The following UGT1A7 variants were observed in gnomAD, a reference collection of about 807,000 sequenced individuals.
UGT1A7 encodes the protein UDP glucuronosyltransferase family 1 member A7.
Under a neutral mutation model 45.6 loss-of-function variants are expected in UGT1A7, and 33 were observed. The ratio of observed to expected loss-of-function variants is 0.72; its 90% CI spans 0.55 to 0.97. UGT1A7 has a LOEUF of 0.97. UGT1A7 is among the 50% of genes least tolerant of loss of function. UGT1A7 has a pLI of 0.00. For synonymous variants in UGT1A7, 274 were observed against 250.6 expected, an observed-to-expected ratio of 1.09 and a Z score of -0.88; for missense variants, 684 against 666.2, an observed-to-expected ratio of 1.03 and a Z score of -0.29.
At chr2:233,694,598 C>T (rs2075228773) in intron 1 of UGT1A7, among the ~76,000 whole-genome samples, 1 of 152,300 alleles carries the variant, frequency 6.6e-6, no homozygotes. Flanking sequence ...CTTTGAAGGG[C>T]TTCAGGCAAC....
chr2:233,767,807 T>C, intron 2 of UGT1A7, 42 bp from the exon 3 acceptor site: 1 of 1,614,158 alleles, frequency 6.2e-7, no homozygotes, highest in Non-Finnish European at 8.5e-7. Flanking sequence ...TCTAATCATA[T>C]TATGTTCTTT....
At chr2:233,692,927 T>G in intron 1 of UGT1A7, 2 of 1,581,200 alleles carry the variant, frequency 1.3e-6, no homozygotes, top group Admixed American at 3.6e-5. Context: ...GTGGTTAGTT[T>G]AGGGAAAATA....
rs1354491814 is a variant in UGT1A7 at position 233,754,735 on chromosome 2, A to G, written c.856-12299A>G. 4.6e-6 allele frequency: 3 copies of G among 652,332 alleles called. No homozygotes were observed. In the Admixed American group the frequency reaches 7.0e-5, roughly 15 times the overall value. The allele number at this position is 652,332 out of a possible 1,614,324, so 40.4% of individuals were successfully genotyped here. ...AAGCTGCCTGTCCCATCACTACCGT[A>G]GGACATGCAGAAGGAAGAAAGGCCC... On this transcript the variant is annotated intron_variant, in intron 1 of 4. Transcript: ENST00000373426.
At chr2:233,706,617 A>G (rs1052498313) in intron 1 of UGT1A7, among the ~76,000 whole-genome samples, 1 of 152,154 alleles carries the variant, frequency 6.6e-6, no homozygotes, top group African/African-American at 2.4e-5. Context: ...AGAAGACTAG[A>G]GAAATGAGTG....
intron 1 of UGT1A7, among the ~76,000 whole-genome samples, chr2:233,763,434 A>G (rs1698313182): frequency 1.3e-5 from 2 of 152,346 alleles, no homozygotes; most frequent in Middle Eastern, 3.4e-3. Context: ...AGTTGCTTTA[A>G]TAAGTGCATT....
chr2:233,755,338 G>A (rs569505432), intron 1 of UGT1A7: 1 of 431,822 alleles, frequency 2.3e-6, no homozygotes, highest in Non-Finnish European at 4.0e-6. Flanking sequence ...CCCGCGCACA[G>A]GTCAGAGGCT....
chr2:233,689,982 A>T (rs957582254), intron 1 of UGT1A7: 5 of 453,314 alleles, frequency 1.1e-5, no homozygotes, highest in Non-Finnish European at 2.2e-5. Context: ...ACAGGCCCCT[A>T]AAAGGGATTC....
chr2:233,694,248 C>T (rs1050180711), intron 1 of UGT1A7, among the ~76,000 whole-genome samples: 1 of 151,938 alleles, frequency 6.6e-6, no homozygotes, highest in African/African-American at 2.4e-5. Flanking sequence ...GGACCTTGAG[C>T]CAGGGACCAG....
intron 1 of UGT1A7, chr2:233,721,744 G>T: frequency 4.6e-6 from 2 of 439,016 alleles, no homozygotes; most frequent in South Asian, 1.7e-5. Flanking sequence ...AATGATGAGA[G>T]AATCTACATC....
intron 1 of UGT1A7, among the ~76,000 whole-genome samples, chr2:233,684,934 AGT>A (rs1284921630): frequency 1.3e-5 from 2 of 148,296 alleles, no homozygotes; most frequent in Non-Finnish European, 3.0e-5. Context: ...CAGGATTCAT[AGT>A]CTGCATTTCA....
At position 233,682,625 on chromosome 2, in the gene UGT1A7, A is replaced by G. The variant is rs2074587539; in HGVS notation, c.688A>G (p.Ile230Val). Reference protein sequence around the residue: ...CPYFFKNVLEIASEILQTPVT... With the variant: ...CPYFFKNVLEVASEILQTPVT... ...CTATTTTTTCAAAAATGTCTTAGAA[A>G]TAGCCTCTGAAATTCTCCAAACCCC... The change falls in exon 1 of 5, where the codon ATA becomes GTA. Residue 230 changes from isoleucine (I) to valine (V), a missense_variant. By Grantham distance (29) the Ile-to-Val change is conservative. Coordinates refer to ENST00000373426, the MANE Select transcript of UGT1A7 (RefSeq NM_019077.3). 1.2e-6 allele frequency: 2 copies of G among 1,613,918 alleles called. No individual in the cohort carries two copies. The highest frequency in any genetic ancestry group is 8.5e-7 in the Non-Finnish European group (1 of 1,179,846).
intron 1 of UGT1A7, among the ~76,000 whole-genome samples, chr2:233,744,426 A>T (rs1305871447): frequency 6.6e-6 from 1 of 151,832 alleles, no homozygotes; most frequent in African/African-American, 2.4e-5. Flanking sequence ...TGTGGATTAT[A>T]TCTATCATAC....
intron 1 of UGT1A7, chr2:233,693,961 T>A (rs2075191738): frequency 1.3e-6 from 2 of 1,580,192 alleles, no homozygotes; most frequent in South Asian, 2.4e-5. Flanking sequence ...CCTTGGAGGA[T>A]TTCCTGGAGA....
intron 1 of UGT1A7, among the ~76,000 whole-genome samples, chr2:233,709,618 G>A (rs1414884854): frequency 6.6e-6 from 1 of 152,156 alleles, no homozygotes; most frequent in Non-Finnish European, 1.5e-5. Flanking sequence ...AAATATAGGT[G>A]TTTTGCTGTG....
intron 1 of UGT1A7, among the ~76,000 whole-genome samples, chr2:233,684,698 G>T (rs947223228): frequency 1.4e-4 from 21 of 151,966 alleles, no homozygotes; most frequent in African/African-American, 5.1e-4. Context: ...GATGTGGAAG[G>T]TTATGTATTA....
In UGT1A7 at chr2:233,724,595, A is replaced by G. The variant is rs1396568061; in HGVS notation, c.855+41803A>G. Among the ~76,000 whole-genome samples, 12 of 124,834 alleles carry G rather than the reference A, an allele frequency of 9.6e-5. 2 individuals are homozygous for G. In the East Asian group the frequency reaches 3.1e-3, roughly 32 times the overall value. The allele number at this position is 124,834 out of a possible 152,430, so 81.9% of individuals were successfully genotyped here. A position where few individuals can be genotyped will look rare whatever the true frequency, so the allele number is the denominator to read the frequency against. ...GGCAGAGGCGCTCCCCACATCTCAG[A>G]CGATGGGCGGCCGGGCAGAGACGCT... On this transcript the variant is annotated intron_variant, in intron 1 of 4. Coordinates refer to ENST00000373426, the MANE Select transcript of UGT1A7 (RefSeq NM_019077.3).
chr2:233,761,183 A>G (rs753887460), intron 1 of UGT1A7: 42 of 1,614,074 alleles, frequency 2.6e-5, no homozygotes, highest in Non-Finnish European at 3.5e-5. Context: ...TTACATGCGT[A>G]TATTCTTTCA....
At chr2:233,717,241 C>T (rs1043328555) in intron 1 of UGT1A7, among the ~76,000 whole-genome samples, 3 of 152,144 alleles carry the variant, frequency 2.0e-5, no homozygotes, top group African/African-American at 7.2e-5. Flanking sequence ...AAGATGCAGA[C>T]AGTTTTAAGG....
At chr2:233,734,402 G>T (rs2078521396) in intron 1 of UGT1A7, among the ~76,000 whole-genome samples, 1 of 152,028 alleles carries the variant, frequency 6.6e-6, no homozygotes. Flanking sequence ...GCGTCTATTT[G>T]ATTCTTCTCT....
Sources: gnomAD v4.1 joint callset for allele counts (sites outside exome capture counted in the v4.1 genomes callset) on GRCh38, gnomAD v4.1.1 for gene constraint, MANE v1.5 for transcripts, NCBI Gene and HGNC (gene_info 2026-07-23, HGNC 2026-07-21) for gene names.